NRG3: variants seen among roughly 807,000 people sequenced by gnomAD.
NRG3 encodes pro-neuregulin-3, membrane-bound isoform.
NRG3 carries 31 observed loss-of-function variants against 66.9 expected under a neutral mutation model. The observed-to-expected ratio is 0.46, with a 90% confidence interval of 0.35 to 0.63. NRG3 has a LOEUF of 0.63. Ranked by LOEUF, NRG3 falls within the 20% of genes least tolerant of loss-of-function variation. NRG3 has a pLI of 0.00. For synonymous variants in NRG3, 393 were observed against 359.4 expected (o/e 1.09, Z -1.06); for missense variants, 910 against 878.9 (o/e 1.04, Z -0.45).
chr10:82,015,356 C>G (rs999799689), intron 1 of NRG3, among the ~76,000 whole-genome samples: 1 of 152,142 alleles, frequency 6.6e-6, no homozygotes, highest in Non-Finnish European at 1.5e-5. Context: ...ATTCATACTT[C>G]AAAATAGAAT....
At chr10:82,700,532 C>A (rs2055783877) in intron 2 of NRG3, among the ~76,000 whole-genome samples, 1 of 152,156 alleles carries the variant, frequency 6.6e-6, no homozygotes, top group African/African-American at 2.4e-5. Flanking sequence ...GAAGTGGAGG[C>A]AAACATGATG....
At chr10:82,943,440 A>G (rs1304891015) in intron 4 of NRG3, among the ~76,000 whole-genome samples, 1 of 152,192 alleles carries the variant, frequency 6.6e-6, no homozygotes, top group Non-Finnish European at 1.5e-5. Context: ...AGAACCAGGG[A>G]AGCCAATGAT....
intron 2 of NRG3, among the ~76,000 whole-genome samples, chr10:82,622,201 C>A (rs1209263954): frequency 6.6e-6 from 1 of 151,042 alleles, no homozygotes; most frequent in Non-Finnish European, 1.5e-5. Context: ...TGCTATTTAT[C>A]ATAAAGGTAA....
intron 1 of NRG3, among the ~76,000 whole-genome samples, chr10:82,333,971 C>T (rs1267021671): frequency 6.6e-6 from 1 of 151,804 alleles, no homozygotes; most frequent in African/African-American, 2.4e-5. Flanking sequence ...GGGCGGATCA[C>T]GAGGTCAGGA....
intron 3 of NRG3, among the ~76,000 whole-genome samples, chr10:82,785,495 GC>G (rs1336797228): frequency 6.6e-6 from 1 of 152,038 alleles, no homozygotes; most frequent in Non-Finnish European, 1.5e-5. Context: ...AACAGTAAAG[GC>G]TACTCTGACA....
chr10:82,271,464 C>A (rs946953323), intron 1 of NRG3, among the ~76,000 whole-genome samples: 3 of 152,068 alleles, frequency 2.0e-5, no homozygotes, highest in Non-Finnish European at 4.4e-5. Context: ...GGTTGTTGTT[C>A]TTATGAATGT....
Position 82,985,771 on chromosome 10 carries a change from G to A in NRG3, c.*166G>A, listed in dbSNP as rs1427634926. 4.1e-6 allele frequency: 3 copies of A among 738,270 alleles called. No individual in the cohort carries two copies. Among genetic ancestry groups the A allele is most frequent in the Admixed American group, 3.0e-5 (1 of 33,790 alleles). The allele number at this position is 738,270 out of a possible 1,614,324, so 45.7% of individuals were successfully genotyped here. A position where few individuals can be genotyped will look rare whatever the true frequency, so the allele number is the denominator to read the frequency against. ...TTTTTTAACAAAATATTTTTTTAAG[G>A]GAAAGAAATGTTTCAGGAGGGATAA... is the stretch of plus-strand genomic sequence containing the variant. On this transcript the variant is annotated 3_prime_UTR_variant, in exon 9 of 9. Coordinates refer to ENST00000372141, the MANE Select transcript of NRG3 (RefSeq NM_001010848.4).
intron 2 of NRG3, among the ~76,000 whole-genome samples, chr10:82,577,094 G>A (rs868554485): frequency 3.8e-4 from 57 of 151,876 alleles, no homozygotes; most frequent in Middle Eastern, 6.8e-3. Context: ...ACTAAATGCT[G>A]CATTCTTAGA....
intron 2 of NRG3, among the ~76,000 whole-genome samples, chr10:82,412,292 A>T (rs1302947662): frequency 6.6e-6 from 1 of 152,150 alleles, no homozygotes; most frequent in Non-Finnish European, 1.5e-5. Flanking sequence ...GAGGTTTGAG[A>T]CCACTGCAAT....
intron 3 of NRG3, among the ~76,000 whole-genome samples, chr10:82,749,993 A>G (rs76152408): frequency 0.011 from 1,624 of 152,294 alleles, 14 homozygotes; most frequent in Admixed American, 0.017. Flanking sequence ...ATAACATCAC[A>G]TGTGTCACTA....
chr10:82,599,642 C>A (rs1304680777), intron 2 of NRG3, among the ~76,000 whole-genome samples: 2 of 151,968 alleles, frequency 1.3e-5, no homozygotes, highest in Admixed American at 1.3e-4. Context: ...GGTGAAACCC[C>A]GTCTCTATTA....
At chr10:82,065,599 G>A (rs1055219960) in intron 1 of NRG3, among the ~76,000 whole-genome samples, 9 of 152,058 alleles carry the variant, frequency 5.9e-5, no homozygotes, top group African/African-American at 2.2e-4. Context: ...GACAGAAGGG[G>A]GAAGAATATA....
At position 82,649,601 on chromosome 10, in the gene NRG3, A is replaced by G. The variant is rs528193499; in HGVS notation, c.954-88976A>G. ...CCCTAGTAACTGGGATTACAGGCAC[A>G]CACCACCACGCCCGGCTAATTTTTG... On this transcript the variant is annotated intron_variant, in intron 2 of 8. Transcript: ENST00000372141. 2.0e-5 allele frequency among the ~76,000 whole-genome samples: 3 copies of G among 150,906 alleles called. No individual in the cohort carries two copies. The East Asian group carries it at 6.0e-4, about 30-fold the overall frequency.
At chr10:82,624,413 C>T (rs1325624965) in intron 2 of NRG3, among the ~76,000 whole-genome samples, 1 of 152,002 alleles carries the variant, frequency 6.6e-6, no homozygotes, top group African/African-American at 2.4e-5. Flanking sequence ...TCCTTTTTCC[C>T]CCACCTTAAC....
intron 2 of NRG3, among the ~76,000 whole-genome samples, chr10:82,438,911 G>T (rs527382194): frequency 1.3e-5 from 2 of 152,036 alleles, no homozygotes; most frequent in African/African-American, 4.8e-5. Flanking sequence ...GCTGGTGATG[G>T]ATTCACATGC....
intron 2 of NRG3, among the ~76,000 whole-genome samples, chr10:82,727,721 GC>G (rs2057680727): frequency 6.6e-6 from 1 of 152,170 alleles, no homozygotes; most frequent in South Asian, 2.1e-4. Flanking sequence ...TGAGAAGAGA[GC>G]CACTGTCCTC....
At chr10:82,922,101 C>A (rs776763550) in intron 4 of NRG3, among the ~76,000 whole-genome samples, 1 of 151,900 alleles carries the variant, frequency 6.6e-6, no homozygotes, top group African/African-American at 2.4e-5. Context: ...CCCCACCACC[C>A]GCCACCTCTC....
At chr10:82,127,375 G>A (rs547937430) in intron 1 of NRG3, among the ~76,000 whole-genome samples, 13 of 152,074 alleles carry the variant, frequency 8.5e-5, no homozygotes, top group South Asian at 4.1e-4. Context: ...AAGTTTATGC[G>A]TTTTAGAACG....
intron 2 of NRG3, among the ~76,000 whole-genome samples, chr10:82,389,768 CA>C: frequency 6.6e-6 from 1 of 152,210 alleles, no homozygotes; most frequent in South Asian, 2.1e-4. Context: ...AAAATAGATT[CA>C]AAAAAGTTTC....
Sources: allele counts gnomAD v4.1 joint callset (sites outside exome capture counted in the v4.1 genomes callset), GRCh38; gene constraint gnomAD v4.1.1; transcripts MANE v1.5; gene names NCBI Gene and HGNC (gene_info 2026-07-23, HGNC 2026-07-21).